Variants in RGS17 observed in about 807,000 individuals in gnomAD.
The protein encoded by RGS17 is regulator of G protein signaling 17, also known as regulator of G-protein signaling 17.
In RGS17, 12 loss-of-function variants were observed where a neutral mutation model predicts 25.5. The observed-to-expected ratio is 0.47, with a 90% CI of 0.30 to 0.76. The LOEUF is 0.76. RGS17 is among the 30% of genes least tolerant of loss of function. The pLI, the probability that RGS17 is intolerant of heterozygous loss-of-function variation, is 0.07. For missense variants in RGS17, 196 were observed against 242.2 expected (o/e 0.81, Z 1.27); for synonymous variants, 71 against 76.9 (o/e 0.92, Z 0.40).
intron 1 of RGS17, among the ~76,000 whole-genome samples, chr6:153,080,828 C>T (rs928996686): frequency 1.1e-4 from 16 of 151,192 alleles, no homozygotes; most frequent in Non-Finnish European, 3.0e-5. Context: ...AACATTTTCT[C>T]ATTTCTCCTG....
intron 1 of RGS17, among the ~76,000 whole-genome samples, chr6:153,126,071 T>C (rs1777699678): frequency 6.6e-6 from 1 of 152,188 alleles, no homozygotes; most frequent in Non-Finnish European, 1.5e-5. Flanking sequence ...CATGTGTAAA[T>C]TTCACCTAGA....
intron 1 of RGS17, among the ~76,000 whole-genome samples, chr6:153,124,112 G>C (rs1349302738): frequency 3.3e-5 from 5 of 152,044 alleles, no homozygotes; most frequent in African/African-American, 1.2e-4. Flanking sequence ...AGATCAATTG[G>C]TCTATTGCTA....
At chr6:153,012,347 TA>T (rs140411987) in intron 4 of RGS17, among the ~76,000 whole-genome samples, 229 of 152,348 alleles carry the variant, frequency 1.5e-3, no homozygotes, top group Non-Finnish European at 2.6e-3. Context: ...CATCCTTATA[TA>T]TCCAAAGACC....
intron 1 of RGS17, among the ~76,000 whole-genome samples, chr6:153,118,785 G>A (rs1777579359): frequency 6.6e-6 from 1 of 152,080 alleles, no homozygotes; most frequent in Non-Finnish European, 1.5e-5. Context: ...AAAATCTGAT[G>A]TGTCATCCTG....
intron 1 of RGS17, among the ~76,000 whole-genome samples, chr6:153,085,602 A>G (rs80056224): frequency 1.3e-5 from 2 of 152,274 alleles, no homozygotes; most frequent in Non-Finnish European, 2.9e-5. Flanking sequence ...ATCAGAAGCT[A>G]TCAGTCACAT....
intron 4 of RGS17, 44 bp from the exon 5 acceptor site, chr6:153,011,806 A>T (rs758781981): frequency 5.0e-6 from 7 of 1,405,476 alleles, no homozygotes; most frequent in Non-Finnish European, 6.8e-6. Flanking sequence ...TATTTTTTTC[A>T]AAAGACCTCA....
intron 2 of RGS17, among the ~76,000 whole-genome samples, chr6:153,036,980 G>A (rs1354230185): frequency 6.6e-6 from 1 of 152,100 alleles, no homozygotes; most frequent in African/African-American, 2.4e-5. Flanking sequence ...CCCTTCAATT[G>A]CTTCCCATCT....
At chr6:153,020,384 A>G (rs991082426) in intron 4 of RGS17, among the ~76,000 whole-genome samples, 12 of 151,064 alleles carry the variant, frequency 7.9e-5, no homozygotes, top group African/African-American at 2.9e-4. Context: ...CGAATGCCCG[A>G]CCTTGTAATC....
chr6:153,068,702 G>A (rs4869778), intron 1 of RGS17, among the ~76,000 whole-genome samples: 58,393 of 151,996 alleles, frequency 0.38, 11,909 homozygotes, highest in East Asian at 0.62. Context: ...CAAACTGCCT[G>A]TCTGACAAGG....
intron 1 of RGS17, among the ~76,000 whole-genome samples, chr6:153,108,701 T>C (rs1236763794): frequency 1.2e-5 from 1 of 80,380 alleles, no homozygotes; most frequent in Middle Eastern, 7.5e-3. Flanking sequence ...AATTAAGGTG[T>C]AGAAAATTCC....
intron 3 of RGS17, among the ~76,000 whole-genome samples, chr6:153,026,037 T>C (rs1779298421): frequency 6.6e-6 from 1 of 152,124 alleles, no homozygotes; most frequent in Non-Finnish European, 1.5e-5. Flanking sequence ...GAGAGTCTGC[T>C]CTGGTAGAAA....
chr6:153,050,882 T>C (rs1776453152), intron 1 of RGS17, among the ~76,000 whole-genome samples: 1 of 148,016 alleles, frequency 6.8e-6, no homozygotes, highest in Admixed American at 6.6e-5. Flanking sequence ...GGGCCAAATA[T>C]AATGATATTT....
chr6:153,016,307 A>C (rs1779183550), intron 4 of RGS17, among the ~76,000 whole-genome samples: 1 of 152,216 alleles, frequency 6.6e-6, no homozygotes, highest in African/African-American at 2.4e-5. Context: ...GTTTAAACTG[A>C]GATAAACTGA....
chr6:153,089,134 T>C (rs1162134601), intron 1 of RGS17, among the ~76,000 whole-genome samples: 1 of 152,084 alleles, frequency 6.6e-6, no homozygotes. Context: ...TCAAAGTCTC[T>C]GATCACAATG....
intron 1 of RGS17, among the ~76,000 whole-genome samples, chr6:153,121,851 C>A (rs1257314296): frequency 3.3e-5 from 5 of 152,084 alleles, no homozygotes; most frequent in African/African-American, 4.8e-5. Context: ...AAGAAAAGGG[C>A]TTCACATTTT....
chr6:153,103,932 AG>A (rs1001991658), intron 1 of RGS17, among the ~76,000 whole-genome samples: 1 of 152,254 alleles, frequency 6.6e-6, no homozygotes, highest in African/African-American at 2.4e-5. Flanking sequence ...AGCTTTGAAG[AG>A]GATACCACAT....
chr6:153,066,624 AT>A, intron 1 of RGS17, among the ~76,000 whole-genome samples: 2 of 152,316 alleles, frequency 1.3e-5, no homozygotes, highest in Admixed American at 1.3e-4. Context: ...AAATTCAACA[AT>A]ACATTAAAAA....
chr6:153,031,165 A>T (rs1779358763), intron 2 of RGS17, among the ~76,000 whole-genome samples: 1 of 152,192 alleles, frequency 6.6e-6, no homozygotes, highest in Admixed American at 6.5e-5. Flanking sequence ...GAAAATGATG[A>T]GGTGGACTCC....
At chr6:153,033,828 A>ATTCC (rs2129108383) in intron 2 of RGS17, among the ~76,000 whole-genome samples, 1 of 152,360 alleles carries the variant, frequency 6.6e-6, no homozygotes, top group African/African-American at 2.4e-5. Context: ...ATTTTAAGCT[A>ATTCC]TTCCTTCAAC....
Sources: gnomAD v4.1 joint callset for allele counts (sites outside exome capture counted in the v4.1 genomes callset) on GRCh38, gnomAD v4.1.1 for gene constraint, MANE v1.5 for transcripts, NCBI Gene and HGNC (gene_info 2026-07-23, HGNC 2026-07-21) for gene names.